CCDC102B: variants seen among roughly 807,000 people sequenced by gnomAD.
The protein encoded by CCDC102B is coiled-coil domain containing 102B.
Under a neutral mutation model 57.4 loss-of-function variants are expected in CCDC102B, and 75 were observed. That is an observed-to-expected ratio of 1.31 (90% confidence interval 1.08 to 1.58). The LOEUF (loss-of-function observed/expected upper bound fraction) is 1.58, where lower values mean the gene tolerates loss of function less well. Ranked by LOEUF, CCDC102B falls within the 40% of genes most tolerant of loss-of-function variation. The pLI, the probability that CCDC102B is intolerant of heterozygous loss-of-function variation, is 0.00. For synonymous variants in CCDC102B, 206 were observed against 201.9 expected, an observed-to-expected ratio of 1.02 and a Z score of -0.17; for missense variants, 636 against 582.6, an observed-to-expected ratio of 1.09 and a Z score of -0.94.
At chr18:68,964,132 T>A (rs2050113395) in intron 6 of CCDC102B, among the ~76,000 whole-genome samples, 1 of 151,888 alleles carries the variant, frequency 6.6e-6, no homozygotes, top group African/African-American at 2.4e-5. Context: ...ATCCAATGAG[T>A]CAGATATTTA....
intron 5 of CCDC102B, among the ~76,000 whole-genome samples, chr18:68,896,611 T>C (rs774074185): frequency 1.6e-4 from 24 of 152,140 alleles, no homozygotes; most frequent in Non-Finnish European, 3.4e-4. Context: ...ACGATTTTAT[T>C]TGTGGTATAG....
At chr18:68,932,834 T>C (rs1373451903) in intron 6 of CCDC102B, among the ~76,000 whole-genome samples, 1 of 151,882 alleles carries the variant, frequency 6.6e-6, no homozygotes, top group East Asian at 1.9e-4. Flanking sequence ...TTCCTTCCAC[T>C]TTATTGACGA....
intron 7 of CCDC102B, among the ~76,000 whole-genome samples, chr18:69,036,749 C>T (rs1050304770): frequency 1.3e-5 from 2 of 151,940 alleles, no homozygotes; most frequent in South Asian, 2.1e-4. Context: ...GATCATATAA[C>T]TCTTAGAAAA....
At chr18:68,786,550 G>A (rs2035219795) in intron 2 of CCDC102B, among the ~76,000 whole-genome samples, 1 of 143,510 alleles carries the variant, frequency 7.0e-6, no homozygotes, top group Non-Finnish European at 1.5e-5. Flanking sequence ...CACATCCCTT[G>A]TAAGTTGGAT....
intron 4 of CCDC102B, chr18:68,866,799 G>A: frequency 2.9e-6 from 2 of 695,358 alleles, no homozygotes; most frequent in East Asian, 2.9e-5. Context: ...TGCTCCCTGG[G>A]AACTTTGAGT....
chr18:68,819,026 G>A (rs977409), intron 1 of CCDC102B, among the ~76,000 whole-genome samples: 4 of 151,856 alleles, frequency 2.6e-5, no homozygotes, highest in Non-Finnish European at 5.9e-5. Context: ...ATATATGCAC[G>A]CTTAATGCAT....
chr18:68,802,616 G>C (rs1314347863), intron 1 of CCDC102B, among the ~76,000 whole-genome samples: 1 of 152,188 alleles, frequency 6.6e-6, no homozygotes, highest in Non-Finnish European at 1.5e-5. Flanking sequence ...CTAAGCATAG[G>C]TACTGAATGC....
intron 5 of CCDC102B, among the ~76,000 whole-genome samples, chr18:68,888,413 C>A (rs933008372): frequency 6.6e-6 from 1 of 152,086 alleles, no homozygotes; most frequent in Non-Finnish European, 1.5e-5. Context: ...TTAATGGTAT[C>A]CTTTGTTCTT....
intron 7 of CCDC102B, among the ~76,000 whole-genome samples, chr18:69,015,187 A>C (rs1599850898): frequency 6.6e-6 from 1 of 152,314 alleles, no homozygotes; most frequent in East Asian, 1.9e-4. Flanking sequence ...GGTATATGTC[A>C]CATTTCACCT....
intron 2 of CCDC102B, among the ~76,000 whole-genome samples, chr18:68,770,809 G>C (rs920756350): frequency 6.6e-6 from 1 of 152,202 alleles, no homozygotes; most frequent in African/African-American, 2.4e-5. Context: ...TGATGCATAA[G>C]AGCCAGGCTT....
intron 4 of CCDC102B, among the ~76,000 whole-genome samples, chr18:68,861,167 G>A (rs2038735113): frequency 6.6e-6 from 1 of 151,874 alleles, no homozygotes; most frequent in Admixed American, 6.6e-5. Context: ...CCAAGTAAAG[G>A]GAAGTCAGGG....
chr18:68,985,631 C>G (rs2050704054), intron 6 of CCDC102B, among the ~76,000 whole-genome samples: 1 of 152,142 alleles, frequency 6.6e-6, no homozygotes. Flanking sequence ...GCTGTTGGTG[C>G]TTCTCTACTC....
At chr18:68,798,575 A>G (rs1026769643) in intron 1 of CCDC102B, 8 of 152,174 alleles carry the variant, frequency 5.3e-5, no homozygotes, top group African/African-American at 1.9e-4. Flanking sequence ...TCTTACAGTA[A>G]AAAAGTAAAA....
intron 6 of CCDC102B, among the ~76,000 whole-genome samples, chr18:68,901,193 A>T (rs2040439176): frequency 6.6e-6 from 1 of 152,194 alleles, no homozygotes. Flanking sequence ...GTGTGTGATA[A>T]GTCTATATTT....
At chr18:68,792,073 C>T (rs1230877978) in intron 2 of CCDC102B, among the ~76,000 whole-genome samples, 1 of 152,120 alleles carries the variant, frequency 6.6e-6, no homozygotes, top group Admixed American at 6.5e-5. Flanking sequence ...GAAATCATTC[C>T]AAGAAGCTGA....
At chr18:69,027,660 G>A (rs1012647394) in intron 7 of CCDC102B, among the ~76,000 whole-genome samples, 1 of 45,034 alleles carries the variant, frequency 2.2e-5, no homozygotes, top group African/African-American at 8.5e-5. Flanking sequence ...GATGGAGAAG[G>A]TGATCCTTTT....
intron 6 of CCDC102B, among the ~76,000 whole-genome samples, chr18:68,898,835 T>G (rs117829645): frequency 7.4e-4 from 113 of 152,228 alleles, no homozygotes; most frequent in Non-Finnish European, 1.3e-3. Flanking sequence ...AAGAAGCAAT[T>G]GATTATATTT....
At chr18:68,884,347 G>T (rs1399775292) in intron 5 of CCDC102B, among the ~76,000 whole-genome samples, 1 of 152,016 alleles carries the variant, frequency 6.6e-6, no homozygotes, top group African/African-American at 2.4e-5. Context: ...TAAAGAATGG[G>T]ATTATGTATT....
chr18:68,960,756 T>C (rs2050025444), intron 6 of CCDC102B, among the ~76,000 whole-genome samples: 1 of 152,042 alleles, frequency 6.6e-6, no homozygotes, highest in South Asian at 2.1e-4. Flanking sequence ...ACCAGCAGAG[T>C]TTTGCTTGTT....
Sources: allele counts gnomAD v4.1 joint callset (sites outside exome capture counted in the v4.1 genomes callset), GRCh38; gene constraint gnomAD v4.1.1; transcripts MANE v1.5; gene names NCBI Gene and HGNC (gene_info 2026-07-23, HGNC 2026-07-21).